NFX1: variants seen among roughly 807,000 people sequenced by gnomAD.
The protein encoded by NFX1 is transcriptional repressor NF-X1.
A neutral mutation model predicts 137.2 loss-of-function variants in NFX1; 69 were observed. The observed-to-expected ratio is 0.50, with a 90% confidence interval of 0.41 to 0.61. NFX1 has a LOEUF of 0.61. NFX1 is among the 20% of genes least tolerant of loss of function. The pLI is 0.00. For synonymous variants in NFX1, 495 were observed against 474.1 expected, an observed-to-expected ratio of 1.04 and a Z score of -0.57; for missense variants, 1,167 against 1,391.0, an observed-to-expected ratio of 0.84 and a Z score of 2.56.
chr9:33,301,493 T>C (rs1419773527), intron 3 of NFX1, 72 bp downstream of exon 3: 1 of 1,487,582 alleles, frequency 6.7e-7, no homozygotes, highest in Non-Finnish European at 9.0e-7. Flanking sequence ...AAGCCCAGCT[T>C]TAAAAATACA....
rs142414854 is a variant in NFX1, at chr9:33,347,061, G to A, written c.2368G>A (p.Glu790Lys). 2.7e-5 allele frequency: 43 copies of A among 1,613,346 alleles called. No homozygotes were observed. The highest frequency in any genetic ancestry group is 3.3e-5 in the Non-Finnish European group (39 of 1,179,518). ...HPVYHSCHSE[E>K]KCPPCTFLTQ... is the part of the protein sequence containing the mutation. Reference sequence around the variant, plus strand: ...AGTATATCATTCTTGTCATAGTGAGGAGAAGTGTCCCCCTTGCACTTTCCT... The same window carrying A: ...AGTATATCATTCTTGTCATAGTGAGAAGAAGTGTCCCCCTTGCACTTTCCT... Residue 790 changes from glutamate to lysine, a missense_variant, in exon 15 of 24, where the codon GAG (glutamate) becomes AAG (lysine). Coordinates refer to ENST00000379540, the MANE Select transcript of NFX1 (RefSeq NM_002504.6).
At chr9:33,319,742 C>T (rs1443062864) in intron 9 of NFX1, among the ~76,000 whole-genome samples, 1 of 151,874 alleles carries the variant, frequency 6.6e-6, no homozygotes, top group South Asian at 2.1e-4. Flanking sequence ...ACTCCTGGCA[C>T]CAAGTGATCC....
At position 33,315,724 on chromosome 9, in the gene NFX1, C is replaced by CAAA. The variant is rs370062801; in HGVS notation, c.1588+1933_1588+1934insAAA. 4.4e-5 allele frequency among the ~76,000 whole-genome samples: 5 copies of CAAA among 114,822 alleles called. 1 individual carries two copies. The highest frequency in any genetic ancestry group is 4.5e-4 in the East Asian group (2 of 4,430). The allele number at this position is 114,822 out of a possible 152,430, so 75.3% of individuals were successfully genotyped here. ...CAACATGGCGAAAACCAGTCTCTAA[C>CAAA]AACAACAAAAAAAAAAAATTAGCCA... On this transcript the variant is annotated intron_variant, in intron 7 of 23. Coordinates refer to ENST00000379540, the MANE Select transcript of NFX1 (RefSeq NM_002504.6).
intron 19 of NFX1, among the ~76,000 whole-genome samples, chr9:33,361,841 G>A (rs1824002092): frequency 6.6e-6 from 1 of 150,686 alleles, no homozygotes; most frequent in Non-Finnish European, 1.5e-5. Context: ...GTGAAAAAAG[G>A]GGCCCGTTAC....
In NFX1 at chr9:33,294,494, A is replaced by G. The variant is rs749619721; in HGVS notation, c.100A>G (p.Thr34Ala). 1 of 1,613,398 alleles carries G rather than the reference A, an allele frequency of 6.2e-7. No individual in the cohort carries two copies. Among genetic ancestry groups the G allele is most frequent in the South Asian group, 1.1e-5 (1 of 90,998 alleles). ...AAAAAATTCTGGTCTAAATTGTGGGACTCAAAGGAGACTAGACTCTAATAG... is the reference window on the plus strand; with the variant it reads ...AAAAAATTCTGGTCTAAATTGTGGGGCTCAAAGGAGACTAGACTCTAATAG... ...EKKNSGLNCGTQRRLDSNRIG... is the reference protein window; with the variant it reads ...EKKNSGLNCGAQRRLDSNRIG... The change falls in exon 2 of 24, where the codon ACT (threonine) becomes GCT (alanine). Residue 34 changes from threonine (T) to alanine (A), a missense_variant. By Grantham distance (58) the Thr-to-Ala change is moderately conservative (BLOSUM62 0). Around this residue, in one of 3 missense-constraint regions of NFX1, gnomAD observed 367 missense variants for 386.7 expected, o/e 0.95. Coordinates refer to ENST00000379540, the MANE Select transcript of NFX1 (RefSeq NM_002504.6).
In NFX1 at chr9:33,369,886, A is replaced by G. The variant is rs755189763; in HGVS notation, c.3291-20A>G. 1 of 1,593,424 alleles carries G rather than the reference A, an allele frequency of 6.3e-7. No homozygotes were observed. Among genetic ancestry groups the G allele is most frequent in the Non-Finnish European group, 8.6e-7 (1 of 1,161,416 alleles). The stretch of plus-strand genomic sequence containing the variant: ...TCCCCCAAAGAAGAAAAGACTGATC[A>G]TTCTTTGTTTGTTTTTCAGGAATCC... On this transcript the variant is annotated intron_variant, in intron 23 of 23. Coordinates refer to ENST00000379540, the MANE Select transcript of NFX1 (RefSeq NM_002504.6).
chr9:33,293,813 T>G (rs1265905480), intron 1 of NFX1, among the ~76,000 whole-genome samples: 1 of 152,180 alleles, frequency 6.6e-6, no homozygotes. Flanking sequence ...CCAAAATATA[T>G]TCCTAGGGGA....
In NFX1 at chr9:33,318,750, C is replaced by T; in HGVS notation, c.1608C>T (p.Thr536=). The change falls in exon 8 of 24, where the codon ACC becomes ACT. Residue 536 remains threonine (T), a synonymous_variant. Coordinates refer to ENST00000379540, the MANE Select transcript of NFX1 (RefSeq NM_002504.6). Reference sequence around the variant, plus strand: ...TTCAAGTATGCTATTGCGGCAGCACCTCCCGAGATGTGTTATGTGGAACCG... The same window carrying T: ...TTCAAGTATGCTATTGCGGCAGCACTTCCCGAGATGTGTTATGTGGAACCG... ...ILNQVCYCGS[T]SRDVLCGTDV... is the part of the protein sequence containing the mutation. 1 of 1,614,130 alleles carries T rather than the reference C, an allele frequency of 6.2e-7. No homozygotes were observed. The highest frequency in any genetic ancestry group is 1.1e-5 in the South Asian group (1 of 91,078).
chr9:33,315,040 C>A (rs531276678), intron 7 of NFX1, among the ~76,000 whole-genome samples: 2 of 152,104 alleles, frequency 1.3e-5, no homozygotes, highest in Non-Finnish European at 2.9e-5. Flanking sequence ...CTCTCCATTA[C>A]TGCAATCTAG....
intron 2 of NFX1, among the ~76,000 whole-genome samples, chr9:33,299,168 A>G (rs140009891): frequency 3.9e-5 from 6 of 152,350 alleles, no homozygotes; most frequent in East Asian, 1.9e-4. Flanking sequence ...TGCCTTTGTT[A>G]AAACTAAGAA....
chr9:33,354,269 T>C, intron 18 of NFX1, 82 bp downstream of exon 18: 1 of 1,110,082 alleles, frequency 9.0e-7, no homozygotes, highest in South Asian at 1.5e-5. Context: ...TTTATCTCAA[T>C]CCTTCATAGT....
intron 1 of NFX1, among the ~76,000 whole-genome samples, chr9:33,291,480 A>C (rs926645656): frequency 1.3e-5 from 2 of 152,258 alleles, no homozygotes; most frequent in Non-Finnish European, 2.9e-5. Context: ...AGTTTGCAGA[A>C]TGGAGTTTGG....
At chr9:33,364,587 G>T in intron 20 of NFX1, 121 bp from the exon 21 acceptor site, 1 of 1,125,212 alleles carries the variant, frequency 8.9e-7, no homozygotes, top group Non-Finnish European at 1.2e-6. Context: ...GACAATTCCT[G>T]ATCTCTGCAG....
Position 33,351,577 on chromosome 9 carries a change from C to T in NFX1, c.2442C>T (p.Pro814=), listed in dbSNP as rs146206603. The T allele has an allele frequency of 1.6e-5, 26 of 1,614,218 alleles. No homozygotes were observed. The African/African-American group carries it at 3.1e-4, about 19-fold the overall frequency. The change falls in exon 16 of 24, where the codon CCC becomes CCT. Residue 814 remains proline, a synonymous_variant. Transcript: ENST00000379540. Reference sequence around the variant, plus strand: ...TCTCCTAGTTTCGGAGCAACATCCCCTGTCACCTGGTTGATATCTCTTGCG... The same window carrying T: ...TCTCCTAGTTTCGGAGCAACATCCCTTGTCACCTGGTTGATATCTCTTGCG... The part of the protein sequence containing the change: ...MGKHEFRSNI[P]CHLVDISCGL...
At chr9:33,302,606 G>A (rs938705527) in intron 3 of NFX1, among the ~76,000 whole-genome samples, 4 of 151,004 alleles carry the variant, frequency 2.6e-5, no homozygotes, top group African/African-American at 9.7e-5. Flanking sequence ...TTCTGCATCA[G>A]CCTCCTAAAA....
rs1362298343 is a variant in NFX1, at chr9:33,310,972, A to C, written c.1377-134A>C. ...TATCTTTGTTCAAATAGTTTAATCA[A>C]CTTTAAACAAATACAAAGACATGTC... On this transcript the variant is annotated intron_variant, in intron 5 of 23. Transcript: ENST00000379540. 3 of 728,710 alleles carry C rather than the reference A, an allele frequency of 4.1e-6. No individual in the cohort carries two copies. The African/African-American group carries it at 5.3e-5, about 13-fold the overall frequency. 45.1% of individuals were successfully genotyped at this position (728,710 alleles called of 1,614,324 possible).
At chr9:33,307,517 A>G (rs1214669909) in intron 5 of NFX1, among the ~76,000 whole-genome samples, 1 of 152,236 alleles carries the variant, frequency 6.6e-6, no homozygotes, top group Non-Finnish European at 1.5e-5. Flanking sequence ...TCTCTGCTTT[A>G]CAGATGAGGC....
chr9:33,366,421 T>A (rs142869109), intron 21 of NFX1, among the ~76,000 whole-genome samples: 60 of 152,302 alleles, frequency 3.9e-4, no homozygotes, highest in Non-Finnish European at 7.6e-4. Context: ...GCGACTGTTG[T>A]GGCTCACAGA....
At chr9:33,297,674 T>C (rs1362334561) in intron 2 of NFX1, among the ~76,000 whole-genome samples, 1 of 152,224 alleles carries the variant, frequency 6.6e-6, no homozygotes, top group Non-Finnish European at 1.5e-5. Context: ...TCCTGTTTTC[T>C]TGCTGGCTGT....
Sources: gnomAD v4.1 joint callset for allele counts (sites outside exome capture counted in the v4.1 genomes callset) on GRCh38, gnomAD v4.1.1 for gene constraint, gnomAD v4.1.1 regional missense constraint, MANE v1.5 for transcripts, NCBI Gene and HGNC (gene_info 2026-07-23, HGNC 2026-07-21) for gene names.